The following RBMS3 variants were observed in gnomAD, a reference collection of about 807,000 sequenced individuals.
RBMS3 encodes the protein RNA-binding motif, single-stranded-interacting protein 3.
RBMS3 carries 27 observed loss-of-function variants against 66.8 expected under a neutral mutation model. The observed-to-expected ratio is 0.40, with a 90% CI of 0.30 to 0.56. The LOEUF is 0.56. RBMS3 is among the 20% of genes least tolerant of loss of function. The pLI, the probability that RBMS3 is intolerant of heterozygous loss-of-function variation, is 0.40. For synonymous variants in RBMS3, 188 were observed against 183.0 expected, an observed-to-expected ratio of 1.03 and a Z score of -0.22; for missense variants, 513 against 549.5, an observed-to-expected ratio of 0.93 and a Z score of 0.66.
chr3:29,675,621 A>G (rs568421788), intron 4 of RBMS3, among the ~76,000 whole-genome samples: 1 of 152,358 alleles, frequency 6.6e-6, no homozygotes, highest in African/African-American at 2.4e-5. Context: ...GGTGAAGGAT[A>G]TGAATAGACA....
chr3:29,543,236 G>C (rs1223244094), intron 3 of RBMS3, among the ~76,000 whole-genome samples: 1 of 150,816 alleles, frequency 6.6e-6, no homozygotes, highest in Non-Finnish European at 1.5e-5. Flanking sequence ...TATATTTTCT[G>C]AATGCAATTT....
At chr3:29,373,915 T>C (rs963813540) in intron 1 of RBMS3, among the ~76,000 whole-genome samples, 3 of 152,180 alleles carry the variant, frequency 2.0e-5, no homozygotes, top group African/African-American at 7.2e-5. Flanking sequence ...CGTATTAGTA[T>C]CCTGCCTAGT....
intron 1 of RBMS3, among the ~76,000 whole-genome samples, chr3:29,367,795 G>A (rs183737141): frequency 1.3e-5 from 2 of 152,202 alleles, no homozygotes; most frequent in East Asian, 3.9e-4. Context: ...GATGAAGTTA[G>A]AAAAATAAGA....
chr3:29,310,096 G>A (rs575312569), intron 1 of RBMS3, among the ~76,000 whole-genome samples: 4 of 151,686 alleles, frequency 2.6e-5, no homozygotes, highest in South Asian at 2.1e-4. Flanking sequence ...ATCCTGGGTC[G>A]AGGGGGCAGA....
At chr3:29,810,640 G>T (rs143128478) in intron 6 of RBMS3, among the ~76,000 whole-genome samples, 3 of 152,230 alleles carry the variant, frequency 2.0e-5, no homozygotes, top group African/African-American at 7.2e-5. Flanking sequence ...CATTGATGAG[G>T]TTATGGTGTA....
chr3:29,866,684 CA>C (rs1316720900), intron 6 of RBMS3, among the ~76,000 whole-genome samples: 8 of 152,262 alleles, frequency 5.3e-5, no homozygotes, highest in Middle Eastern at 3.4e-3. Flanking sequence ...TTGCATTTAG[CA>C]TTTAGGTTTT....
intron 3 of RBMS3, among the ~76,000 whole-genome samples, chr3:29,571,826 T>C (rs1243740923): frequency 2.6e-5 from 4 of 152,182 alleles, no homozygotes; most frequent in African/African-American, 4.8e-5. Context: ...ATTGGTATAT[T>C]GATAGGGACT....
At chr3:29,522,977 A>G (rs150508937) in intron 3 of RBMS3, among the ~76,000 whole-genome samples, 1 of 152,320 alleles carries the variant, frequency 6.6e-6, no homozygotes, top group Non-Finnish European at 1.5e-5. Flanking sequence ...GCACACAGTC[A>G]CTTATTATCT....
At chr3:29,286,778 A>T (rs974048069) in intron 1 of RBMS3, among the ~76,000 whole-genome samples, 11 of 152,114 alleles carry the variant, frequency 7.2e-5, no homozygotes, top group Non-Finnish European at 1.0e-4. Context: ...TTTGGCAGAG[A>T]GAGTTCAGTC....
In RBMS3 at chr3:30,004,044, G is replaced by A. The variant is rs954367666; in HGVS notation, c.*182G>A. 5.0e-6 allele frequency: 2 copies of A among 400,386 alleles called. No homozygotes were observed. The highest frequency in any genetic ancestry group is 7.3e-5 in the East Asian group (2 of 27,274). 24.8% of individuals were successfully genotyped at this position (400,386 alleles called of 1,614,324 possible). On this transcript the variant is annotated 3_prime_UTR_variant, in exon 15 of 15. Transcript: ENST00000383767. The stretch of plus-strand genomic sequence containing the variant: ...AAAGTTTTTATGTGCTGTGCAAATG[G>A]TCTTCATGTGGTCTGACAATTTATT...
At chr3:30,001,758 TTC>T (rs1316067308) in intron 14 of RBMS3, among the ~76,000 whole-genome samples, 2 of 151,480 alleles carry the variant, frequency 1.3e-5, no homozygotes, top group Admixed American at 1.3e-4. Context: ...AATTCCTGTT[TTC>T]AAGTTATTTC....
intron 5 of RBMS3, among the ~76,000 whole-genome samples, chr3:29,743,902 C>G (rs370540317): frequency 3.4e-5 from 4 of 116,322 alleles, no homozygotes; most frequent in East Asian, 3.3e-4. Flanking sequence ...CCCCTCCCCC[C>G]ACCCCACAAC....
intron 5 of RBMS3, among the ~76,000 whole-genome samples, chr3:29,759,169 A>G (rs1013193182): frequency 2.0e-5 from 3 of 152,076 alleles, no homozygotes; most frequent in Non-Finnish European, 4.4e-5. Flanking sequence ...TGCCTGTGGG[A>G]ATTGTATCGG....
At chr3:29,502,401 T>TGG (rs2044008229) in intron 3 of RBMS3, among the ~76,000 whole-genome samples, 2 of 152,044 alleles carry the variant, frequency 1.3e-5, no homozygotes, top group Non-Finnish European at 2.9e-5. Flanking sequence ...ATAATCCCAA[T>TGG]AAGTAAGACT....
intron 3 of RBMS3, among the ~76,000 whole-genome samples, chr3:29,536,197 A>T (rs1576155731): frequency 6.6e-6 from 1 of 152,292 alleles, no homozygotes; most frequent in South Asian, 2.1e-4. Flanking sequence ...CTCTTGGTAG[A>T]CAGGCATGCT....
intron 9 of RBMS3, among the ~76,000 whole-genome samples, chr3:29,898,736 C>CGTGT (rs3072651): frequency 0.36 from 51,246 of 142,382 alleles, 9,314 homozygotes; most frequent in Middle Eastern, 0.44. Context: ...TTGTAATGTG[C>CGTGT]GTGTGTGTGT....
intron 4 of RBMS3, among the ~76,000 whole-genome samples, chr3:29,660,198 C>CT (rs760126910): frequency 1.2e-4 from 18 of 151,866 alleles, no homozygotes; most frequent in South Asian, 2.1e-4. Flanking sequence ...CTTCAATTGT[C>CT]TTTTTTTTAC....
At chr3:29,731,257 A>G (rs2054120847) in intron 4 of RBMS3, among the ~76,000 whole-genome samples, 1 of 152,226 alleles carries the variant, frequency 6.6e-6, no homozygotes, top group African/African-American at 2.4e-5. Flanking sequence ...CTGTGCTTAC[A>G]TTATATCCGA....
At chr3:29,303,328 G>T (rs2033800929) in intron 1 of RBMS3, among the ~76,000 whole-genome samples, 1 of 152,028 alleles carries the variant, frequency 6.6e-6, no homozygotes, top group African/African-American at 2.4e-5. Context: ...TCACTGCTCA[G>T]AAATATTTCA....
Sources: gnomAD v4.1 joint callset for allele counts (sites outside exome capture counted in the v4.1 genomes callset) on GRCh38, gnomAD v4.1.1 for gene constraint, MANE v1.5 for transcripts, NCBI Gene and HGNC (gene_info 2026-07-23, HGNC 2026-07-21) for gene names.